The following ATXN7 variants were observed in gnomAD, a reference collection of about 807,000 sequenced individuals.
ATXN7 encodes ataxin-7.
Under a neutral mutation model 70.5 loss-of-function variants are expected in ATXN7, and 12 were observed. The ratio of observed to expected loss-of-function variants is 0.17; its 90% CI spans 0.11 to 0.28. The LOEUF (loss-of-function observed/expected upper bound fraction) is 0.28. Ranked by LOEUF, ATXN7 falls within the 10% of genes least tolerant of loss-of-function variation. ATXN7 has a pLI of 1.00. For synonymous variants in ATXN7, 498 were observed against 448.7 expected (o/e 1.11, Z -1.39); for missense variants, 1,256 against 1,131.7 (o/e 1.11, Z -1.58).
intron 2 of ATXN7, among the ~76,000 whole-genome samples, chr3:63,909,889 TAA>T (rs911883067): frequency 6.2e-4 from 95 of 152,320 alleles, no homozygotes; most frequent in African/African-American, 2.1e-3. Flanking sequence ...CAGTTTAATA[TAA>T]GACACTTATT....
intron 4 of ATXN7, among the ~76,000 whole-genome samples, chr3:63,942,165 G>A (rs542683284): frequency 6.6e-6 from 1 of 152,306 alleles, no homozygotes; most frequent in Admixed American, 6.5e-5. Context: ...AGAAGAGCAG[G>A]GATTTCCTGG....
chr3:63,946,041 G>T (rs552243465), intron 4 of ATXN7, among the ~76,000 whole-genome samples: 3 of 152,200 alleles, frequency 2.0e-5, no homozygotes, highest in African/African-American at 4.8e-5. Flanking sequence ...GCAACTGAAA[G>T]CTACAGAAAA....
At chr3:63,904,302 T>C (rs1703754872) in intron 2 of ATXN7, 1 of 150,564 alleles carries the variant, frequency 6.6e-6, no homozygotes, top group Non-Finnish European at 1.5e-5. Flanking sequence ...TTTTTTTTTT[T>C]GAGATGGAGT....
chr3:63,939,651 A>G (rs1046100922), intron 4 of ATXN7, among the ~76,000 whole-genome samples: 11 of 152,230 alleles, frequency 7.2e-5, no homozygotes, highest in African/African-American at 2.7e-4. Context: ...TCAGATGAGC[A>G]TATATTCAAG....
At chr3:63,878,225 A>G (rs1379338110) in intron 1 of ATXN7, among the ~76,000 whole-genome samples, 1 of 152,218 alleles carries the variant, frequency 6.6e-6, no homozygotes, top group East Asian at 1.9e-4. Flanking sequence ...ACTTGTTGGT[A>G]TTCAGTGTGA....
chr3:63,988,481 G>A (rs1306867118), intron 9 of ATXN7, 157 bp downstream of exon 9: 33 of 1,035,310 alleles, frequency 3.2e-5, no homozygotes, highest in Non-Finnish European at 4.5e-5. Context: ...AAAAGGAAAG[G>A]TTGAGTTCAG....
intron 4 of ATXN7, among the ~76,000 whole-genome samples, chr3:63,923,652 T>TA (rs1704588209): frequency 6.6e-6 from 1 of 151,720 alleles, no homozygotes; most frequent in African/African-American, 2.4e-5. Flanking sequence ...CAAAAAAAAT[T>TA]AGCTGGTCAT....
intron 2 of ATXN7, among the ~76,000 whole-genome samples, chr3:63,899,081 G>A (rs1172948105): frequency 1.4e-5 from 2 of 139,066 alleles, no homozygotes; most frequent in African/African-American, 5.3e-5. Context: ...TTCTTTTTTT[G>A]AGACAGAGTC....
rs985827085 is a variant in ATXN7, at chr3:63,929,305, G to A, written c.394+16080G>A. Among the ~76,000 whole-genome samples, 9 of 134,392 alleles carry A rather than the reference G, an allele frequency of 6.7e-5. No individual in the cohort carries two copies. In the East Asian group the frequency reaches 8.6e-4, roughly 13 times the overall value. 88.2% of individuals were successfully genotyped at this position (134,392 alleles called of 152,430 possible). ...TTTTTTTTGTTTGAGATGGAGTCTC[G>A]CTCTGTTGCCAGGCTGGAGTGCAGT... On this transcript the variant is annotated intron_variant, in intron 4 of 12. Transcript: ENST00000674280.
chr3:63,976,753 A>G lies in ATXN7; in HGVS notation c.500-3162A>G, dbSNP rs569543595. On this transcript the variant is annotated intron_variant, in intron 5 of 12. Coordinates refer to ENST00000674280, the MANE Select transcript of ATXN7 (RefSeq NM_001377405.1). ...TGCATTCCTAAAAAATTACTGCACA[A>G]TGCAAAATTACGCAACAAAAACCAC... Among the ~76,000 whole-genome samples, 8 of 152,326 alleles carry G rather than the reference A, an allele frequency of 5.3e-5. No individual in the cohort carries two copies. The East Asian group carries it at 7.7e-4, about 15-fold the overall frequency.
In ATXN7 at chr3:64,003,077, A is replaced by G. The variant is rs2075851846; in HGVS notation, c.*3610A>G. The G allele has an allele frequency of 6.6e-6, 1 of 152,180 alleles. No homozygotes were observed. The highest frequency in any genetic ancestry group is 2.4e-5 in the African/African-American group (1 of 41,446). The allele number at this position is 152,180 out of a possible 1,614,324, so 9.4% of individuals were successfully genotyped here. A position where few individuals can be genotyped will look rare whatever the true frequency, so the allele number is the denominator to read the frequency against. ...TGGGGCGATTGGGCTTTGAAAAAAT[A>G]TTCTTAAAAGTTTGTTTAGCAGAAA... On this transcript the variant is annotated 3_prime_UTR_variant, in exon 13 of 13. Transcript: ENST00000674280.
intron 1 of ATXN7, among the ~76,000 whole-genome samples, chr3:63,889,304 A>G (rs1316652878): frequency 2.6e-5 from 4 of 152,218 alleles, no homozygotes; most frequent in African/African-American, 9.6e-5. Context: ...AAAGTAACTG[A>G]CCATATTTGT....
At chr3:63,998,285 T>C (rs545170473) in intron 12 of ATXN7, 1 of 983,796 alleles carries the variant, frequency 1.0e-6, no homozygotes, top group Non-Finnish European at 1.2e-6. Flanking sequence ...TTCCAGACAT[T>C]TGTTACCAGT....
chr3:63,936,483 A>G (rs948462818), intron 4 of ATXN7, among the ~76,000 whole-genome samples: 8 of 152,218 alleles, frequency 5.3e-5, no homozygotes, highest in Non-Finnish European at 1.2e-4. Flanking sequence ...GAGGAAAATC[A>G]TTAGATATAC....
At chr3:63,985,882 C>T (rs558494026) in intron 8 of ATXN7, among the ~76,000 whole-genome samples, 8 of 152,308 alleles carry the variant, frequency 5.3e-5, no homozygotes, top group South Asian at 4.1e-4. Context: ...ACAATAACCA[C>T]GTGTTCCCTA....
intron 2 of ATXN7, chr3:63,901,031 A>C (rs1443920775): frequency 1.3e-5 from 2 of 152,234 alleles, no homozygotes; most frequent in Admixed American, 6.5e-5. Flanking sequence ...TTGGGTGCCA[A>C]CCTATGTGCT....
intron 5 of ATXN7, among the ~76,000 whole-genome samples, chr3:63,958,952 T>C (rs1388830235): frequency 6.6e-6 from 1 of 151,932 alleles, no homozygotes; most frequent in East Asian, 1.9e-4. Flanking sequence ...ATGAATTGCA[T>C]GTGTCACAAA....
chr3:63,931,234 C>G (rs912409320), intron 4 of ATXN7, among the ~76,000 whole-genome samples: 1 of 152,104 alleles, frequency 6.6e-6, no homozygotes, highest in African/African-American at 2.4e-5. Context: ...CCACCACATC[C>G]AGCCTACAGC....
Position 63,996,138 on chromosome 3 carries a change from T to A in ATXN7, c.2316T>A (p.His772Gln), listed in dbSNP as rs1007234770. Residue 772 changes from histidine (H) to glutamine (Q), a missense_variant, in exon 12 of 13, where the codon CAT becomes CAA. By Grantham distance (24) the His-to-Gln change is conservative. Coordinates refer to ENST00000674280, the MANE Select transcript of ATXN7 (RefSeq NM_001377405.1). Reference sequence around the variant, plus strand: ...AAGCAAATGCGGTGAACGTCCGGCATGACCAGTCAGGGAGGGGCCCCCCCA... The same window carrying A: ...AAGCAAATGCGGTGAACGTCCGGCAAGACCAGTCAGGGAGGGGCCCCCCCA... The part of the protein sequence containing the change: ...TNKANAVNVR[H>Q]DQSGRGPPTG... The A allele has an allele frequency of 1.2e-6, 2 of 1,614,192 alleles. No individual in the cohort carries two copies. The highest frequency in any genetic ancestry group is 8.5e-7 in the Non-Finnish European group (1 of 1,180,036).
Sources: allele counts gnomAD v4.1 joint callset (sites outside exome capture counted in the v4.1 genomes callset), GRCh38; gene constraint gnomAD v4.1.1; transcripts MANE v1.5; gene names NCBI Gene and HGNC (gene_info 2026-07-23, HGNC 2026-07-21).